Variants in UBXN8 observed in about 807,000 individuals in gnomAD.
The protein encoded by UBXN8 is UBX domain-containing protein 8.
A neutral mutation model predicts 32.1 loss-of-function variants in UBXN8; 27 were observed. The observed-to-expected ratio is 0.84, with a 90% CI of 0.62 to 1.16. The LOEUF (loss-of-function observed/expected upper bound fraction) is 1.16, where lower values mean the gene tolerates loss of function less well. UBXN8 is among the 50% of genes most tolerant of loss of function. UBXN8 has a pLI of 0.00. For synonymous variants in UBXN8, 109 were observed against 111.8 expected (o/e 0.98, Z 0.16); for missense variants, 306 against 311.4 (o/e 0.98, Z 0.13).
At chr8:30,732,616 T>C (rs531548455), upstream of UBXN8, 1 of 222,624 alleles carries the variant, frequency 4.5e-6, no homozygotes, top group African/African-American at 2.3e-5. Context: ...AAGCCTTTCA[T>C]GAGTTAAAGG....
Position 30,746,813 on chromosome 8 carries a change from C to T in UBXN8, c.88+2536C>T, listed in dbSNP as rs535336872. Among the ~76,000 whole-genome samples, 230 of 139,634 alleles carry T rather than the reference C, an allele frequency of 1.6e-3. 39 individuals are homozygous for T. The highest frequency in any genetic ancestry group is 5.8e-3 in the African/African-American group (208 of 35,986). The allele number at this position is 139,634 out of a possible 152,430, so 91.6% of individuals were successfully genotyped here. A position where few individuals can be genotyped will look rare whatever the true frequency, so the allele number is the denominator to read the frequency against. On this transcript the variant is annotated intron_variant, in intron 1 of 7. Coordinates refer to ENST00000265616, the MANE Select transcript of UBXN8 (RefSeq NM_005671.4). ...TGCTGGGATTACAGGCGTGAGCCAC[C>T]GCGCCCTGACTAAGCTAAATATTTT...
upstream of UBXN8, among the ~76,000 whole-genome samples, chr8:30,742,971 T>C (rs1224062091): frequency 2.0e-5 from 3 of 152,120 alleles, no homozygotes; most frequent in East Asian, 1.9e-4. Context: ...TTGTAAATAT[T>C]TGAATATCCA....
chr8:30,756,857 G>C lies in UBXN8; in HGVS notation c.498G>C (p.Pro166=), dbSNP rs371854435. ...QNLPKPLTEF[P]SPAEQPTCKE... is the part of the protein sequence containing the mutation. ...TGCCTAAACCTTTAACTGAATTTCC[G>C]TCTCCTGCTGAACAGCCCACATGCA... is the stretch of plus-strand genomic sequence containing the variant. Residue 166 remains proline (P), a synonymous_variant, in exon 5 of 8, where the codon CCG becomes CCC. Coordinates refer to ENST00000265616, the MANE Select transcript of UBXN8 (RefSeq NM_005671.4). The C allele has an allele frequency of 2.5e-6, 4 of 1,613,934 alleles. No individual in the cohort carries two copies. Among genetic ancestry groups the C allele is most frequent in the Middle Eastern group, 1.6e-4 (1 of 6,062 alleles).
chr8:30,752,945 T>TC, intron 2 of UBXN8, 90 bp from the exon 3 acceptor site: 1 of 1,387,370 alleles, frequency 7.2e-7, no homozygotes, highest in Non-Finnish European at 9.5e-7. Context: ...CTTTAGATTT[T>TC]TTTCTTTCTT....
upstream of UBXN8, among the ~76,000 whole-genome samples, chr8:30,730,344 A>C (rs2128751259): frequency 6.6e-6 from 1 of 152,324 alleles, no homozygotes; most frequent in South Asian, 2.1e-4. Context: ...CCCGTCCTGT[A>C]CTGAAAAGCC....
chr8:30,735,327 C>T (rs1805047857), intron 1 of UBXN8, among the ~76,000 whole-genome samples: 2 of 152,166 alleles, frequency 1.3e-5, no homozygotes, highest in African/African-American at 4.8e-5. Flanking sequence ...AGAAAGAAAC[C>T]ATCACTGAGT....
At chr8:30,748,292 A>G (rs369579815) in intron 1 of UBXN8, among the ~76,000 whole-genome samples, 9 of 151,350 alleles carry the variant, frequency 5.9e-5, no homozygotes, top group African/African-American at 2.2e-4. Context: ...TGCCCAAGAA[A>G]GGAGGATCAT....
upstream of UBXN8, among the ~76,000 whole-genome samples, chr8:30,739,431 C>A (rs1030168531): frequency 6.6e-6 from 1 of 152,072 alleles, no homozygotes; most frequent in African/African-American, 2.4e-5. Context: ...GTAGTCCCAG[C>A]TACTCGGGAG....
At chr8:30,756,952 G>A in intron 5 of UBXN8, 65 bp downstream of exon 5, 2 of 1,594,572 alleles carry the variant, frequency 1.3e-6, no homozygotes, top group Non-Finnish European at 1.7e-6. Context: ...AACTCTGGGT[G>A]AGGTGGTATA....
chr8:30,741,626 A>T (rs192299754), upstream of UBXN8, among the ~76,000 whole-genome samples: 7 of 151,520 alleles, frequency 4.6e-5, no homozygotes, highest in African/African-American at 1.7e-4. Flanking sequence ...TAATTTTTGT[A>T]TTTTTCGTAG....
Position 30,751,394 on chromosome 8 carries a change from A to T in UBXN8, c.89-2A>T, listed in dbSNP as rs1563561051. ...TTAATTTTAGTTTTTTTCCTTTATC[A>T]GGAATCAAGGATTTTCTTTTGCTTT... On this transcript the variant is annotated splice_acceptor_variant, in intron 1 of 7. Coordinates refer to ENST00000265616, the MANE Select transcript of UBXN8 (RefSeq NM_005671.4). LOFTEE classifies it high-confidence loss of function. The T allele has an allele frequency of 6.4e-7, 1 of 1,570,300 alleles. No homozygotes were observed. The highest frequency in any genetic ancestry group is 8.6e-7 in the Non-Finnish European group (1 of 1,158,086).
intron 5 of UBXN8, among the ~76,000 whole-genome samples, chr8:30,760,423 A>ATG (rs1805799199): frequency 4.9e-5 from 2 of 40,536 alleles, no homozygotes; most frequent in East Asian, 1.2e-3. Flanking sequence ...ACACAATCAT[A>ATG]TATATATATA....
At chr8:30,755,910 A>G in intron 4 of UBXN8, among the ~76,000 whole-genome samples, 1 of 151,878 alleles carries the variant, frequency 6.6e-6, no homozygotes, top group South Asian at 2.1e-4. Context: ...CAGGTTATAT[A>G]TGTTATTATA....
At chr8:30,760,441 A>ATTTTTTT (rs1263036658) in intron 5 of UBXN8, among the ~76,000 whole-genome samples, 848 of 48,952 alleles carry the variant, frequency 0.017, 15 homozygotes, top group African/African-American at 0.048. Context: ...ATATATATAT[A>ATTTTTTT]TATTTTTTTT....
chr8:30,744,941 C>G (rs527339972), intron 1 of UBXN8, among the ~76,000 whole-genome samples: 1 of 152,210 alleles, frequency 6.6e-6, no homozygotes, highest in South Asian at 2.1e-4. Flanking sequence ...CTATTATAAG[C>G]CAAACACCAG....
At chr8:30,750,818 GA>G (rs11308329) in intron 1 of UBXN8, among the ~76,000 whole-genome samples, 143,094 of 146,870 alleles carry the variant, frequency 0.97, 69,764 homozygotes, top group Middle Eastern at 1. Context: ...AAAAAAGAAG[GA>G]AAAAAAAAAA....
At chr8:30,733,342 A>G (rs977950870) in intron 1 of UBXN8, 2 of 152,246 alleles carry the variant, frequency 1.3e-5, no homozygotes, top group African/African-American at 4.8e-5. Context: ...GACTCTTGAT[A>G]TGCCTTTTTA....
chr8:30,756,090 T>C (rs1805651642), intron 4 of UBXN8: 1 of 152,058 alleles, frequency 6.6e-6, no homozygotes, highest in Non-Finnish European at 1.5e-5. Flanking sequence ...AATGGCACCA[T>C]CTCAGCTCAA....
At position 30,745,006 on chromosome 8, in the gene UBXN8, A is replaced by G. The variant is rs188387834; in HGVS notation, c.88+729A>G. Among the ~76,000 whole-genome samples, 66 of 152,294 alleles carry G rather than the reference A, an allele frequency of 4.3e-4. No homozygotes were observed. In the East Asian group the frequency reaches 6.0e-3, roughly 14 times the overall value. ...CTGCAATCAGAGGAGGGTAGGCACT[A>G]TTATAATCCCCATTTTACAGTTGAG... On this transcript the variant is annotated intron_variant, in intron 1 of 7. Transcript: ENST00000265616.
Sources: allele counts gnomAD v4.1 joint callset (sites outside exome capture counted in the v4.1 genomes callset), GRCh38; gene constraint gnomAD v4.1.1; transcripts MANE v1.5; gene names NCBI Gene and HGNC (gene_info 2026-07-23, HGNC 2026-07-21).